The following SEMA3A variants were observed in gnomAD, a reference collection of about 807,000 sequenced individuals.
The protein encoded by SEMA3A is semaphorin 3A.
SEMA3A carries 29 observed loss-of-function variants against 97.9 expected under a neutral mutation model. That is an observed-to-expected ratio of 0.30 (90% CI 0.22 to 0.40). SEMA3A has a LOEUF of 0.40. Ranked by LOEUF, SEMA3A falls within the 10% of genes least tolerant of loss-of-function variation. The pLI is 1.00. For synonymous variants in SEMA3A, 321 were observed against 323.7 expected (o/e 0.99, Z 0.09); for missense variants, 763 against 951.3 (o/e 0.80, Z 2.60).
intron 4 of SEMA3A, among the ~76,000 whole-genome samples, chr7:84,087,967 T>C (rs1794432362): frequency 6.6e-6 from 1 of 152,182 alleles, no homozygotes. Context: ...CAAATACTCT[T>C]AGGCATAATT....
rs184029965 is a variant in SEMA3A, at chr7:84,055,559, T to A, written c.547+4906A>T. On this transcript the variant is annotated intron_variant, in intron 5 of 16. Coordinates refer to ENST00000265362, the MANE Select transcript of SEMA3A (RefSeq NM_006080.3). The stretch of plus-strand genomic sequence containing the variant: ...AGTGAGGCTATGCCTCGCCCTGCTT[T>A]GGCTCGTGCACGGTGCGCGCACCCA... 1.6e-3 allele frequency among the ~76,000 whole-genome samples: 237 copies of A among 152,296 alleles called. 1 individual carries two copies. The highest frequency in any genetic ancestry group is 3.4e-3 in the Middle Eastern group (1 of 294).
chr7:84,386,807 C>G (rs1803408537), intron 1 of SEMA3A, among the ~76,000 whole-genome samples: 1 of 151,980 alleles, frequency 6.6e-6, no homozygotes, highest in South Asian at 2.1e-4. Context: ...CTACATCAGC[C>G]TGGCCAACAT....
intron 1 of SEMA3A, among the ~76,000 whole-genome samples, chr7:84,142,904 C>T (rs374967839): frequency 2.9e-4 from 44 of 152,140 alleles, no homozygotes; most frequent in African/African-American, 5.8e-4. Context: ...CCATTACTGA[C>T]GTCATCAACT....
intron 2 of SEMA3A, among the ~76,000 whole-genome samples, chr7:84,363,642 A>C (rs1329535342): frequency 6.6e-6 from 1 of 151,884 alleles, no homozygotes. Context: ...AGTACAATAA[A>C]CTTTATGGTT....
At chr7:84,247,013 A>C (rs1001590105) in intron 3 of SEMA3A, among the ~76,000 whole-genome samples, 2 of 152,158 alleles carry the variant, frequency 1.3e-5, no homozygotes, top group Non-Finnish European at 2.9e-5. Flanking sequence ...ATGCCATCAA[A>C]AATGTTTTTA....
chr7:84,402,376 A>G (rs1803927930), intron 1 of SEMA3A, among the ~76,000 whole-genome samples: 2 of 152,188 alleles, frequency 1.3e-5, no homozygotes, highest in Admixed American at 1.3e-4. Context: ...AAAGTGGGGA[A>G]CACTTGTACA....
At chr7:84,013,640 A>G (rs544227981) in intron 7 of SEMA3A, among the ~76,000 whole-genome samples, 16 of 152,236 alleles carry the variant, frequency 1.1e-4, no homozygotes, top group South Asian at 2.1e-4. Flanking sequence ...AGAGATCAGG[A>G]GTTCAAGACC....
chr7:84,383,846 CT>C (rs1390558675), intron 1 of SEMA3A, among the ~76,000 whole-genome samples: 1 of 152,226 alleles, frequency 6.6e-6, no homozygotes, highest in East Asian at 1.9e-4. Flanking sequence ...AAATTACCTC[CT>C]TACTTACCTT....
chr7:84,428,847 T>G (rs2116313255), intron 1 of SEMA3A, among the ~76,000 whole-genome samples: 1 of 152,186 alleles, frequency 6.6e-6, no homozygotes, highest in South Asian at 2.1e-4. Context: ...GATTAAATTC[T>G]TTGACTAATA....
chr7:84,469,863 C>G (rs1806103449), intron 1 of SEMA3A, among the ~76,000 whole-genome samples: 1 of 151,808 alleles, frequency 6.6e-6, no homozygotes. Context: ...GACTAATGAA[C>G]TTTAGTTCCA....
At chr7:83,996,461 C>T (rs1225618434) in intron 12 of SEMA3A, among the ~76,000 whole-genome samples, 2 of 151,964 alleles carry the variant, frequency 1.3e-5, no homozygotes, top group Non-Finnish European at 2.9e-5. Flanking sequence ...TGCCACCACG[C>T]CAGGCTAATT....
chr7:84,270,401 T>C (rs1800114182), intron 3 of SEMA3A, among the ~76,000 whole-genome samples: 1 of 151,848 alleles, frequency 6.6e-6, no homozygotes, highest in Non-Finnish European at 1.5e-5. Flanking sequence ...AATGACAAGA[T>C]GAATAAATAA....
In SEMA3A at chr7:84,391,972, AT is replaced by A. The variant is rs200429369; in HGVS notation, c.-245-20073del. 0.014 allele frequency among the ~76,000 whole-genome samples: 2,059 copies of A among 150,922 alleles called. 68 individuals carry two copies. In the East Asian group the frequency reaches 0.16, roughly 11 times the overall value. On this transcript the variant is annotated intron_variant, in intron 1 of 3. Coordinates refer to the SEMA3A transcript ENST00000424555. ...GAGACCCTGTCTCAAAAAAAAAAAA[AT>A]CTATTGAAAAATTTTAGTTTTATAT...
intron 1 of SEMA3A, among the ~76,000 whole-genome samples, chr7:84,147,396 T>A (rs1398991943): frequency 6.6e-6 from 1 of 152,228 alleles, no homozygotes; most frequent in Non-Finnish European, 1.5e-5. Context: ...GTCTTCCTTA[T>A]TCATTGACAA....
chr7:84,031,836 C>CAAAAAAT (rs1193447078), intron 6 of SEMA3A, among the ~76,000 whole-genome samples: 2 of 151,616 alleles, frequency 1.3e-5, no homozygotes, highest in South Asian at 2.1e-4. Context: ...AACTCCATCT[C>CAAAAAAT]AAAAAATAAA....
Position 84,186,592 on chromosome 7 carries a change from A to C in SEMA3A, c.112+7883T>G, listed in dbSNP as rs559200382. Reference sequence around the variant, plus strand: ...AGGTGTAAACAACTTTGTTTTAGCTATGCCCAAATACATTTCTAAGAGTTT... The same window carrying C: ...AGGTGTAAACAACTTTGTTTTAGCTCTGCCCAAATACATTTCTAAGAGTTT... On this transcript the variant is annotated intron_variant, in intron 1 of 16. Coordinates refer to ENST00000265362, the MANE Select transcript of SEMA3A (RefSeq NM_006080.3). Among the ~76,000 whole-genome samples, 22 of 152,256 alleles carry C rather than the reference A, an allele frequency of 1.4e-4. 1 individual carries two copies. In the South Asian group the frequency reaches 4.6e-3, roughly 32 times the overall value.
intron 1 of SEMA3A, among the ~76,000 whole-genome samples, chr7:84,463,113 T>C (rs1805894419): frequency 6.6e-6 from 1 of 152,134 alleles, no homozygotes; most frequent in Admixed American, 6.5e-5. Context: ...TTCAACTGTT[T>C]TTCATTTTTT....
intron 15 of SEMA3A, among the ~76,000 whole-genome samples, chr7:83,968,118 TCCA>T (rs1788778179): frequency 6.6e-6 from 1 of 152,218 alleles, no homozygotes; most frequent in South Asian, 2.1e-4. Flanking sequence ...TTCATGGTTA[TCCA>T]ATATAAACAA....
At chr7:83,984,331 A>G (rs1789542053) in intron 13 of SEMA3A, among the ~76,000 whole-genome samples, 1 of 152,130 alleles carries the variant, frequency 6.6e-6, no homozygotes, top group Non-Finnish European at 1.5e-5. Flanking sequence ...AGTGTAAGAT[A>G]ACAGTATCAG....
Sources: allele counts gnomAD v4.1 joint callset (sites outside exome capture counted in the v4.1 genomes callset), GRCh38; gene constraint gnomAD v4.1.1; transcripts MANE v1.5; gene names NCBI Gene and HGNC (gene_info 2026-07-23, HGNC 2026-07-21).